The following FOCAD variants were observed in gnomAD, a reference collection of about 807,000 sequenced individuals.
FOCAD encodes KIAA1797.
In FOCAD, 198 loss-of-function variants were observed where a neutral mutation model predicts 225.6. The observed-to-expected ratio is 0.88, with a 90% CI of 0.78 to 0.99. The LOEUF (loss-of-function observed/expected upper bound fraction) is 0.99. Among genes scored for constraint, FOCAD ranks in the 50% least tolerant of loss-of-function variants. The pLI is 0.00. For synonymous variants in FOCAD, 897 were observed against 755.0 expected, an observed-to-expected ratio of 1.19 and a Z score of -3.08; for missense variants, 2,713 against 2,123.6, an observed-to-expected ratio of 1.28 and a Z score of -5.46.
intron 15 of FOCAD, among the ~76,000 whole-genome samples, chr9:20,837,703 G>A (rs1336643244): frequency 1.3e-5 from 2 of 151,998 alleles, no homozygotes; most frequent in Non-Finnish European, 2.9e-5. Context: ...TATTATATCT[G>A]TTTTTAAAAG....
At chr9:20,965,545 G>A (rs1392523855) in intron 35 of FOCAD, among the ~76,000 whole-genome samples, 2 of 152,026 alleles carry the variant, frequency 1.3e-5, no homozygotes, top group East Asian at 3.9e-4. Flanking sequence ...GTGATAAAAT[G>A]TATACAACAT....
intron 11 of FOCAD, among the ~76,000 whole-genome samples, chr9:20,809,395 C>T (rs1366232580): frequency 3.9e-5 from 6 of 151,960 alleles, no homozygotes; most frequent in South Asian, 2.1e-4. Context: ...AAGTTTTAAT[C>T]GTATTTAATT....
At chr9:20,735,369 C>A (rs1305347085) in intron 4 of FOCAD, among the ~76,000 whole-genome samples, 2 of 152,086 alleles carry the variant, frequency 1.3e-5, no homozygotes, top group African/African-American at 4.8e-5. Context: ...TTGCTTTAAT[C>A]TTTATAGTCA....
At chr9:20,909,510 C>A (rs1226463072) in intron 22 of FOCAD, among the ~76,000 whole-genome samples, 4 of 152,050 alleles carry the variant, frequency 2.6e-5, no homozygotes, top group Admixed American at 6.6e-5. Flanking sequence ...GCAGATTATT[C>A]ATAATTTTTA....
chr9:20,910,303 A>G (rs1833332858), intron 22 of FOCAD, among the ~76,000 whole-genome samples: 1 of 143,386 alleles, frequency 7.0e-6, no homozygotes, highest in African/African-American at 2.6e-5. Context: ...CCTTTTTGAA[A>G]AGGGCTCTTT....
At chr9:20,949,280 T>C (rs1386950968) in intron 32 of FOCAD, among the ~76,000 whole-genome samples, 1 of 152,190 alleles carries the variant, frequency 6.6e-6, no homozygotes, top group African/African-American at 2.4e-5. Context: ...GTCTATGTGG[T>C]TGTTCTTTAA....
chr9:20,993,630 T>C (rs1045539895), intron 43 of FOCAD, among the ~76,000 whole-genome samples: 1 of 152,216 alleles, frequency 6.6e-6, no homozygotes, highest in Non-Finnish European at 1.5e-5. Context: ...TGAATCAAGG[T>C]ACTTGGTGTT....
intron 19 of FOCAD, among the ~76,000 whole-genome samples, chr9:20,876,354 C>T (rs925305963): frequency 1.3e-5 from 2 of 152,104 alleles, no homozygotes; most frequent in Non-Finnish European, 2.9e-5. Context: ...GTCAGAAGTC[C>T]TTTGGGGCTT....
chr9:20,950,595 T>A (rs1163965161), intron 33 of FOCAD, among the ~76,000 whole-genome samples: 1 of 152,198 alleles, frequency 6.6e-6, no homozygotes, highest in African/African-American at 2.4e-5. Flanking sequence ...GAGCATAATT[T>A]ACAGAAGAGA....
Position 20,892,613 on chromosome 9 carries a change from T to C in FOCAD, c.2625+7383T>C, listed in dbSNP as rs539240048. On this transcript the variant is annotated intron_variant, in intron 21 of 43. Transcript: ENST00000338382. ...ACTGCTACCGTCATGAGGAGTTGCT[T>C]CTTAGGGATGAACAGAGTGGTTTCT... 2.2e-3 allele frequency among the ~76,000 whole-genome samples: 341 copies of C among 152,174 alleles called. 2 individuals are homozygous for C. The highest frequency in any genetic ancestry group is 7.3e-3 in the African/African-American group (303 of 41,518).
intron 11 of FOCAD, among the ~76,000 whole-genome samples, chr9:20,812,057 T>A (rs10964718): frequency 0.19 from 28,656 of 151,976 alleles, 3,150 homozygotes; most frequent in Non-Finnish European, 0.25. Context: ...TTATGCAAAG[T>A]TGAGTGAGTC....
chr9:20,888,021 C>A (rs1831253174), intron 21 of FOCAD, among the ~76,000 whole-genome samples: 2 of 147,920 alleles, frequency 1.4e-5, no homozygotes, highest in South Asian at 2.1e-4. Flanking sequence ...GATCTTCTGC[C>A]CATTTTTAGA....
At chr9:20,872,702 A>G (rs1829898077) in intron 18 of FOCAD, 1 of 151,992 alleles carries the variant, frequency 6.6e-6, no homozygotes, top group Non-Finnish European at 1.5e-5. Context: ...AAAGTATGCA[A>G]TTTAGTGGTT....
chr9:20,820,507 C>A, intron 13 of FOCAD, 82 bp downstream of exon 13: 1 of 1,265,278 alleles, frequency 7.9e-7, no homozygotes, highest in South Asian at 1.3e-5. Context: ...TATGGCAATG[C>A]TTTGGTTTAG....
intron 15 of FOCAD, among the ~76,000 whole-genome samples, chr9:20,839,357 C>A (rs1826290432): frequency 6.6e-6 from 1 of 151,044 alleles, no homozygotes; most frequent in African/African-American, 2.4e-5. Context: ...CTCCCAGGCT[C>A]AAGCTATCCT....
chr9:20,944,671 G>A lies in FOCAD; in HGVS notation c.3452G>A (p.Ser1151Asn), dbSNP rs996436006. The A allele has an allele frequency of 5.6e-6, 9 of 1,614,154 alleles. No homozygotes were observed. Among genetic ancestry groups the A allele is most frequent in the Non-Finnish European group, 7.6e-6 (9 of 1,179,970 alleles). The change falls in exon 29 of 44, where the codon AGC becomes AAC. Residue 1151 changes from serine (S) to asparagine (N), a missense_variant. Physicochemically the swap from Ser to Asn is conservative, Grantham distance 46 (BLOSUM62 1). Coordinates refer to ENST00000338382, the MANE Select transcript of FOCAD (RefSeq NM_001375567.1). ...GTTGGACTTGTTCTGTCCCTCATGAGCCACAGCAGCCAAATGCAGTCCCGC... is the reference window on the plus strand; with the variant it reads ...GTTGGACTTGTTCTGTCCCTCATGAACCACAGCAGCCAAATGCAGTCCCGC... ...LGVGLVLSLM[S>N]HSSQMQSRVH...
intron 11 of FOCAD, among the ~76,000 whole-genome samples, chr9:20,790,735 C>T (rs746249843): frequency 1.3e-5 from 2 of 152,136 alleles, no homozygotes; most frequent in Non-Finnish European, 1.5e-5. Flanking sequence ...TGCGCCACTG[C>T]ACTTCAGCCT....
intron 30 of FOCAD, among the ~76,000 whole-genome samples, chr9:20,947,359 C>A (rs1837279460): frequency 1.3e-5 from 2 of 152,072 alleles, no homozygotes; most frequent in Admixed American, 1.3e-4. Context: ...CACGGATGAA[C>A]CTTGAAGGCA....
intron 21 of FOCAD, among the ~76,000 whole-genome samples, chr9:20,904,638 T>C (rs544515639): frequency 6.6e-6 from 1 of 152,148 alleles, no homozygotes; most frequent in South Asian, 2.1e-4. Flanking sequence ...CATAGGACTG[T>C]TCATCTCAAT....
Sources: gnomAD v4.1 joint callset for allele counts (sites outside exome capture counted in the v4.1 genomes callset) on GRCh38, gnomAD v4.1.1 for gene constraint, MANE v1.5 for transcripts, NCBI Gene and HGNC (gene_info 2026-07-23, HGNC 2026-07-21) for gene names.